Variants in DPY19L3 observed in about 807,000 individuals in gnomAD.
DPY19L3 encodes the protein dpy-19 like C-mannosyltransferase 3.
In DPY19L3, 51 loss-of-function variants were observed where a neutral mutation model predicts 92.3. That is an observed-to-expected ratio of 0.55 (90% CI 0.44 to 0.70). The LOEUF (loss-of-function observed/expected upper bound fraction) is 0.70. Among genes scored for constraint, DPY19L3 ranks in the 30% least tolerant of loss-of-function variants. The pLI is 0.00. For synonymous variants in DPY19L3, 309 were observed against 315.2 expected (o/e 0.98, Z 0.21); for missense variants, 706 against 855.9 (o/e 0.82, Z 2.18).
intron 3 of DPY19L3, among the ~76,000 whole-genome samples, chr19:32,417,767 C>A (rs1175691626): frequency 6.6e-6 from 1 of 152,184 alleles, no homozygotes; most frequent in African/African-American, 2.4e-5. Flanking sequence ...AAACCTCTTT[C>A]CTTTATAAAT....
chr19:32,464,634 C>G (rs1348344708), intron 14 of DPY19L3, 94 bp from the exon 15 acceptor site: 1 of 729,574 alleles, frequency 1.4e-6, no homozygotes, highest in East Asian at 3.5e-5. Context: ...CCCAAGAATT[C>G]CAGGCCAGCC....
At chr19:32,476,044 T>C (rs1160287756) in intron 16 of DPY19L3, among the ~76,000 whole-genome samples, 6 of 152,210 alleles carry the variant, frequency 3.9e-5, no homozygotes. Context: ...AGAAAGAAAA[T>C]CTTGAATTTT....
intron 8 of DPY19L3, among the ~76,000 whole-genome samples, chr19:32,446,593 A>T (rs1398715825): frequency 6.6e-6 from 1 of 152,218 alleles, no homozygotes; most frequent in Non-Finnish European, 1.5e-5. Flanking sequence ...AGTAGATATC[A>T]GAGCAAAGAA....
intron 2 of DPY19L3, among the ~76,000 whole-genome samples, chr19:32,410,578 T>C (rs1968145064): frequency 6.6e-6 from 1 of 151,676 alleles, no homozygotes; most frequent in Non-Finnish European, 1.5e-5. Flanking sequence ...AGGTCAGGAG[T>C]TCAAGACCAG....
intron 3 of DPY19L3, among the ~76,000 whole-genome samples, chr19:32,416,535 C>G (rs1461423215): frequency 6.6e-6 from 1 of 152,242 alleles, no homozygotes; most frequent in African/African-American, 2.4e-5. Flanking sequence ...ACCACCCACT[C>G]AGGTTCAATA....
chr19:32,434,840 A>G (rs1014242018), intron 4 of DPY19L3, among the ~76,000 whole-genome samples: 1 of 152,104 alleles, frequency 6.6e-6, no homozygotes, highest in African/African-American at 2.4e-5. Context: ...GTGTCCTTAC[A>G]TGGCAGAAAG....
At chr19:32,438,710 G>A (rs1397623808) in intron 6 of DPY19L3, among the ~76,000 whole-genome samples, 3 of 152,046 alleles carry the variant, frequency 2.0e-5, no homozygotes, top group African/African-American at 7.3e-5. Flanking sequence ...AAAAAATACT[G>A]TCAATGACAT....
At chr19:32,458,248 T>G in intron 11 of DPY19L3, 75 bp downstream of exon 11, 1 of 1,579,296 alleles carries the variant, frequency 6.3e-7, no homozygotes, top group South Asian at 1.2e-5. Flanking sequence ...AAGTTGTCAT[T>G]GTGCCTTCAA....
intron 8 of DPY19L3, among the ~76,000 whole-genome samples, chr19:32,445,961 C>T (rs1969485220): frequency 6.6e-6 from 1 of 151,762 alleles, no homozygotes; most frequent in African/African-American, 2.4e-5. Context: ...GAGATTGTGC[C>T]ATTGCACTCC....
rs111447761 is a variant in DPY19L3, at chr19:32,420,017, G to A, written c.237+8645G>A. Among the ~76,000 whole-genome samples, 478 of 151,174 alleles carry A rather than the reference G, an allele frequency of 3.2e-3. 1 individual carries two copies. The highest frequency in any genetic ancestry group is 0.011 in the African/African-American group (454 of 41,150). On this transcript the variant is annotated intron_variant, in intron 3 of 18. Coordinates refer to ENST00000392250, the MANE Select transcript of DPY19L3 (RefSeq NM_001172774.2). ...TGGGATTACAGGCAGGCACCACCACGCCCGGCTAATTTTTGTATTTTTAGT... is the reference window on the plus strand; with the variant it reads ...TGGGATTACAGGCAGGCACCACCACACCCGGCTAATTTTTGTATTTTTAGT...
chr19:32,413,937 T>C (rs1419995153), intron 3 of DPY19L3, among the ~76,000 whole-genome samples: 1 of 152,036 alleles, frequency 6.6e-6, no homozygotes, highest in African/African-American at 2.4e-5. Flanking sequence ...TTGCCCAGGC[T>C]GTTCTCAAAC....
At chr19:32,478,395 A>G (rs1472938391) in intron 17 of DPY19L3, among the ~76,000 whole-genome samples, 3 of 152,212 alleles carry the variant, frequency 2.0e-5, no homozygotes, top group African/African-American at 7.2e-5. Context: ...GTTGAGGCAT[A>G]CTGGTCACGT....
chr19:32,471,110 C>T (rs1156795726), intron 16 of DPY19L3, among the ~76,000 whole-genome samples: 1 of 152,252 alleles, frequency 6.6e-6, no homozygotes, highest in African/African-American at 2.4e-5. Flanking sequence ...GTTTTTGAAA[C>T]GTAAAATATG....
intron 16 of DPY19L3, among the ~76,000 whole-genome samples, chr19:32,472,052 G>A (rs1413727877): frequency 2.6e-5 from 4 of 152,106 alleles, no homozygotes; most frequent in South Asian, 2.1e-4. Context: ...GCTGGGCCTC[G>A]CCTCAGCACA....
chr19:32,406,000 C>G (rs1185575148), intron 1 of DPY19L3, 91 bp downstream of exon 1: 3 of 151,316 alleles, frequency 2.0e-5, no homozygotes, highest in Admixed American at 6.6e-5. Flanking sequence ...CCCCGAGCCC[C>G]TGGGGCCGCC....
chr19:32,480,855 A>AT lies in DPY19L3; in HGVS notation c.1989+298_1989+299insT, dbSNP rs1970652770. 4.7e-5 allele frequency: 22 copies of AT among 470,608 alleles called. 1 individual carries two copies. The highest frequency in any genetic ancestry group is 7.4e-6 in the Non-Finnish European group (2 of 269,104). 29.2% of individuals were successfully genotyped at this position (470,608 alleles called of 1,614,324 possible). A position where few individuals can be genotyped will look rare whatever the true frequency, so the allele number is the denominator to read the frequency against. The stretch of plus-strand genomic sequence containing the variant: ...GGGCTCTGCATAAAATGTATCTGTG[A>AT]AGGATTTTGCTGCTATAAACAAAAC... On this transcript the variant is annotated intron_variant, in intron 18 of 18. Coordinates refer to ENST00000392250, the MANE Select transcript of DPY19L3 (RefSeq NM_001172774.2).
chr19:32,479,648 C>T, intron 17 of DPY19L3: 1 of 414,108 alleles, frequency 2.4e-6, no homozygotes, highest in Non-Finnish European at 4.8e-6. Context: ...GAGGCAGTGC[C>T]TCTCTTCATG....
At chr19:32,477,230 G>A (rs763136468) in intron 16 of DPY19L3, among the ~76,000 whole-genome samples, 15 of 151,970 alleles carry the variant, frequency 9.9e-5, no homozygotes, top group Admixed American at 3.3e-4. Flanking sequence ...TTTCCCCACC[G>A]TTATTCTGGT....
chr19:32,432,834 G>A, intron 4 of DPY19L3, 28 bp downstream of exon 4: 1 of 1,600,620 alleles, frequency 6.2e-7, no homozygotes, highest in Non-Finnish European at 8.6e-7. Flanking sequence ...TTTCATTTGG[G>A]GTCTCCTGCA....
Sources: gnomAD v4.1 joint callset for allele counts (sites outside exome capture counted in the v4.1 genomes callset) on GRCh38, gnomAD v4.1.1 for gene constraint, MANE v1.5 for transcripts, NCBI Gene and HGNC (gene_info 2026-07-23, HGNC 2026-07-21) for gene names.